Variants in MCPH1 observed in about 807,000 individuals in gnomAD.
The protein encoded by MCPH1 is microcephalin 1, also known as microcephalin.
MCPH1 carries 104 observed loss-of-function variants against 84.5 expected under a neutral mutation model. The observed-to-expected ratio is 1.23, with a 90% CI of 1.05 to 1.45. The LOEUF (loss-of-function observed/expected upper bound fraction) is 1.45. Ranked by LOEUF, MCPH1 falls within the 40% of genes most tolerant of loss-of-function variation. The pLI is 0.00. For synonymous variants in MCPH1, 514 were observed against 366.8 expected, an observed-to-expected ratio of 1.40 and a Z score of -4.58; for missense variants, 1,498 against 1,005.7, an observed-to-expected ratio of 1.49 and a Z score of -6.62.
chr8:6,614,574 A>G (rs942930508), intron 12 of MCPH1, among the ~76,000 whole-genome samples: 1 of 152,226 alleles, frequency 6.6e-6, no homozygotes, highest in Non-Finnish European at 1.5e-5. Context: ...ATTAGCAAAC[A>G]CACACGTCCG....
intron 12 of MCPH1, among the ~76,000 whole-genome samples, chr8:6,550,454 C>T (rs1485479809): frequency 1.3e-5 from 2 of 152,224 alleles, no homozygotes; most frequent in African/African-American, 4.8e-5. Flanking sequence ...ACTCAGCATC[C>T]AGCGCGTCCT....
intron 12 of MCPH1, among the ~76,000 whole-genome samples, chr8:6,529,997 A>C (rs57754223): frequency 2.0e-5 from 3 of 151,716 alleles, no homozygotes; most frequent in Admixed American, 6.6e-5. Context: ...CTTTTTCATT[A>C]CTATTATTAT....
intron 10 of MCPH1, among the ~76,000 whole-genome samples, chr8:6,480,060 TG>T (rs1429831050): frequency 6.6e-6 from 1 of 152,156 alleles, no homozygotes; most frequent in African/African-American, 2.4e-5. Context: ...AACAAATCAT[TG>T]CCCCAGTGGG....
intron 12 of MCPH1, among the ~76,000 whole-genome samples, chr8:6,536,630 G>A (rs2442599): frequency 0.67 from 102,393 of 151,940 alleles, 34,778 homozygotes; most frequent in Non-Finnish European, 0.73. Flanking sequence ...ATTTTTAGAG[G>A]TACAGAAAGA....
intron 2 of MCPH1, among the ~76,000 whole-genome samples, chr8:6,414,182 A>C (rs961306568): frequency 2.6e-5 from 4 of 152,028 alleles, no homozygotes; most frequent in Admixed American, 1.3e-4. Flanking sequence ...TAATTTTTGT[A>C]TTTTTAGTAG....
intron 13 of MCPH1, among the ~76,000 whole-genome samples, chr8:6,631,022 T>A (rs1214346641): frequency 6.6e-6 from 1 of 152,118 alleles, no homozygotes; most frequent in Non-Finnish European, 1.5e-5. Flanking sequence ...GCAGGTGCTC[T>A]AAAAGGTGCT....
At chr8:6,473,036 G>T (rs1432822840) in intron 9 of MCPH1, among the ~76,000 whole-genome samples, 1 of 152,112 alleles carries the variant, frequency 6.6e-6, no homozygotes, top group African/African-American at 2.4e-5. Context: ...ATAAACCATA[G>T]AAGGTTATTC....
intron 12 of MCPH1, among the ~76,000 whole-genome samples, chr8:6,576,689 T>C (rs1431836079): frequency 2.8e-5 from 1 of 35,120 alleles, no homozygotes; most frequent in African/African-American, 2.3e-4. Context: ...TGTATTTTTT[T>C]TTTTTTTTTT....
At chr8:6,488,506 T>C (rs1303799457) in intron 11 of MCPH1, among the ~76,000 whole-genome samples, 1 of 152,194 alleles carries the variant, frequency 6.6e-6, no homozygotes, top group African/African-American at 2.4e-5. Context: ...TGATTAGAAA[T>C]AAAGTTTGAT....
intron 11 of MCPH1, among the ~76,000 whole-genome samples, chr8:6,487,474 C>A (rs561154174): frequency 6.6e-6 from 1 of 152,220 alleles, no homozygotes; most frequent in Non-Finnish European, 1.5e-5. Flanking sequence ...GGAATCTCAG[C>A]TTTTCACTGG....
rs139416191 is a variant in MCPH1 at position 6,514,749 on chromosome 8, G to A, written c.2214+14820G>A. 9.0e-5 allele frequency: 145 copies of A among 1,613,660 alleles called. No individual in the cohort carries two copies. The highest frequency in any genetic ancestry group is 1.2e-4 in the South Asian group (11 of 91,064). ...CACGTCGCTGAATAATTGTCCACCC[G>A]CCTCCTCCAGCTTCCATGTCACAGT... On this transcript the variant is annotated intron_variant, in intron 12 of 13. Transcript: ENST00000344683.
At chr8:6,421,129 C>T (rs569154580) in intron 3 of MCPH1, among the ~76,000 whole-genome samples, 1 of 152,246 alleles carries the variant, frequency 6.6e-6, no homozygotes, top group Non-Finnish European at 1.5e-5. Context: ...GTGTGGGTGC[C>T]CATCTGAAGC....
chr8:6,481,795 A>T (rs1039787768), intron 11 of MCPH1, among the ~76,000 whole-genome samples: 3 of 152,186 alleles, frequency 2.0e-5, no homozygotes, highest in Non-Finnish European at 4.4e-5. Context: ...GGATCACCTT[A>T]CCTGATTATA....
intron 12 of MCPH1, among the ~76,000 whole-genome samples, chr8:6,538,327 G>A (rs1203619283): frequency 6.6e-6 from 1 of 152,128 alleles, no homozygotes; most frequent in Non-Finnish European, 1.5e-5. Context: ...CCCGCCCAGG[G>A]TCCACTGTCC....
intron 12 of MCPH1, among the ~76,000 whole-genome samples, chr8:6,505,309 AAC>A (rs1563305970): frequency 4.3e-4 from 23 of 53,568 alleles, no homozygotes; most frequent in African/African-American, 6.5e-4. Flanking sequence ...ATATGTATAT[AAC>A]ATATATATGT....
Position 6,643,335 on chromosome 8 carries a change from G to A in MCPH1, c.*286G>A. 1 of 422,880 alleles carries A rather than the reference G, an allele frequency of 2.4e-6. No individual in the cohort carries two copies. The highest frequency in any genetic ancestry group is 4.3e-6 in the Non-Finnish European group (1 of 230,290). The allele number at this position is 422,880 out of a possible 1,614,324, so 26.2% of individuals were successfully genotyped here. ...GCTGGAGTGCAATGGCACAATCTCG[G>A]CTCACTGCAACCTCCACCTCCCAGG... On this transcript the variant is annotated 3_prime_UTR_variant, in exon 14 of 14. Coordinates refer to ENST00000344683, the MANE Select transcript of MCPH1 (RefSeq NM_024596.5).
At chr8:6,606,520 C>T (rs1829786605) in intron 12 of MCPH1, among the ~76,000 whole-genome samples, 1 of 152,198 alleles carries the variant, frequency 6.6e-6, no homozygotes, top group African/African-American at 2.4e-5. Flanking sequence ...GGTCCGGCAG[C>T]ATAAACCAGT....
intron 9 of MCPH1, among the ~76,000 whole-genome samples, chr8:6,456,656 G>GTT (rs1238609870): frequency 7.9e-6 from 1 of 126,810 alleles, no homozygotes; most frequent in East Asian, 2.1e-4. Flanking sequence ...ACCATGTCTG[G>GTT]CTTTTTTTTT....
chr8:6,485,798 A>G (rs1431033379), intron 11 of MCPH1, among the ~76,000 whole-genome samples: 1 of 152,142 alleles, frequency 6.6e-6, no homozygotes, highest in Non-Finnish European at 1.5e-5. Flanking sequence ...ACATATATAA[A>G]TGACACAAAC....
Sources: allele counts gnomAD v4.1 joint callset (sites outside exome capture counted in the v4.1 genomes callset), GRCh38; gene constraint gnomAD v4.1.1; transcripts MANE v1.5; gene names NCBI Gene and HGNC (gene_info 2026-07-23, HGNC 2026-07-21).